TAMM41: variants seen among roughly 807,000 people sequenced by gnomAD.
The protein encoded by TAMM41 is TAM41 mitochondrial translocator assembly and maintenance homolog, also known as phosphatidate cytidylyltransferase, mitochondrial.
In TAMM41, 36 loss-of-function variants were observed where a neutral mutation model predicts 44.1. The ratio of observed to expected loss-of-function variants is 0.82; its 90% confidence interval spans 0.63 to 1.08. The LOEUF is 1.08. TAMM41 is among the 50% of genes least tolerant of loss of function. TAMM41 has a pLI of 0.00. For synonymous variants in TAMM41, 164 were observed against 153.1 expected (o/e 1.07, Z -0.53); for missense variants, 417 against 404.3 (o/e 1.03, Z -0.27).
intron 7 of TAMM41, among the ~76,000 whole-genome samples, chr3:11,801,218 A>G (rs2077744358): frequency 6.6e-6 from 1 of 152,224 alleles, no homozygotes; most frequent in Admixed American, 6.5e-5. Context: ...CTCAGACAAT[A>G]GTAGAATAAA....
the TAMM41 span, among the ~76,000 whole-genome samples, chr3:11,775,021 C>T: frequency 1.3e-5 from 2 of 152,102 alleles, no homozygotes; most frequent in African/African-American, 4.8e-5. Context: ...AGGCGGCTGC[C>T]ACCGTGCCCG....
At chr3:11,815,463 C>A (rs2078242927) in intron 5 of TAMM41, among the ~76,000 whole-genome samples, 1 of 152,018 alleles carries the variant, frequency 6.6e-6, no homozygotes, top group Non-Finnish European at 1.5e-5. Flanking sequence ...GATGACTGAC[C>A]TAAGCAACTG....
the TAMM41 span, among the ~76,000 whole-genome samples, chr3:11,723,907 G>A: frequency 6.6e-6 from 1 of 151,946 alleles, no homozygotes; most frequent in Non-Finnish European, 1.5e-5. Flanking sequence ...ACTGAGTGGA[G>A]GTAGCAAAGA....
the TAMM41 span, among the ~76,000 whole-genome samples, chr3:11,729,538 C>CTTTTTTTTTTT: frequency 8.4e-4 from 55 of 65,524 alleles, 14 homozygotes; most frequent in African/African-American, 2.7e-3. Flanking sequence ...TTCTTTCTTT[C>CTTTTTTTTTTT]ATTTTTTTTT....
At chr3:11,722,462 A>G in the TAMM41 span, among the ~76,000 whole-genome samples, 1 of 152,226 alleles carries the variant, frequency 6.6e-6, no homozygotes, top group African/African-American at 2.4e-5. Flanking sequence ...AATTAAAATG[A>G]CTTACAGTGA....
chr3:11,726,078 C>T, the TAMM41 span, among the ~76,000 whole-genome samples: 7 of 152,222 alleles, frequency 4.6e-5, no homozygotes, highest in African/African-American at 9.7e-5. Flanking sequence ...GGAATATCAA[C>T]GGCTGCCAAT....
chr3:11,761,084 C>T, the TAMM41 span, among the ~76,000 whole-genome samples: 7 of 150,970 alleles, frequency 4.6e-5, no homozygotes, highest in Middle Eastern at 3.4e-3. Flanking sequence ...AGGAGAATGG[C>T]GTGAACCTGG....
the TAMM41 span, among the ~76,000 whole-genome samples, chr3:11,767,626 ATTTT>A: frequency 3.3e-5 from 2 of 60,708 alleles, no homozygotes; most frequent in Admixed American, 1.9e-4. Context: ...CACGTTGTGC[ATTTT>A]TTTTTTTTTT....
chr3:11,747,496 C>T, the TAMM41 span, among the ~76,000 whole-genome samples: 10,918 of 152,164 alleles, frequency 0.072, 543 homozygotes, highest in African/African-American at 0.14. Flanking sequence ...AGATGGGGCA[C>T]GGTGACTCAC....
At chr3:11,779,000 C>T in the TAMM41 span, among the ~76,000 whole-genome samples, 1 of 152,180 alleles carries the variant, frequency 6.6e-6, no homozygotes, top group Non-Finnish European at 1.5e-5. Context: ...TGATGCCCAA[C>T]GTTGGAAATG....
chr3:11,825,903 C>T (rs917033586), intron 4 of TAMM41, among the ~76,000 whole-genome samples: 2 of 152,070 alleles, frequency 1.3e-5, no homozygotes, highest in Non-Finnish European at 2.9e-5. Context: ...GTGTGAGCCA[C>T]AGCACCCTGC....
At chr3:11,735,886 T>G in the TAMM41 span, among the ~76,000 whole-genome samples, 1 of 152,066 alleles carries the variant, frequency 6.6e-6, no homozygotes, top group Admixed American at 6.6e-5. Context: ...ACCCAGCATG[T>G]TTCCAAACCA....
At chr3:11,805,825 C>G (rs6790543) in intron 7 of TAMM41, among the ~76,000 whole-genome samples, 64,342 of 152,136 alleles carry the variant, frequency 0.42, 13,850 homozygotes, top group Admixed American at 0.5. Context: ...TACGCCTCTG[C>G]AAGTCAGTAT....
the TAMM41 span, among the ~76,000 whole-genome samples, chr3:11,780,260 GTA>G: frequency 6.6e-6 from 1 of 152,206 alleles, no homozygotes; most frequent in Non-Finnish European, 1.5e-5. Context: ...CTCCTGCACA[GTA>G]TATGTCTGGC....
chr3:11,798,547 G>C (rs1230047792), intron 7 of TAMM41, among the ~76,000 whole-genome samples: 1 of 151,988 alleles, frequency 6.6e-6, no homozygotes, highest in Non-Finnish European at 1.5e-5. Flanking sequence ...TAACTAATGG[G>C]TTCTAACTAG....
At position 11,829,831 on chromosome 3, in the gene TAMM41, G is replaced by C. The variant is rs760785403; in HGVS notation, c.445C>G (p.Leu149Val). 2.5e-6 allele frequency: 4 copies of C among 1,614,202 alleles called. No homozygotes were observed. The Admixed American group carries it at 6.7e-5, about 27-fold the overall frequency. Residue 149 changes from leucine (L) to valine (V), a missense_variant, in exon 4 of 8, where the codon CTT (leucine) becomes GTT (valine). Physicochemically the swap from Leu to Val is conservative, Grantham distance 32 (BLOSUM62 1). Coordinates refer to ENST00000455809, the MANE Select transcript of TAMM41 (RefSeq NM_001284401.2). ...AGATTTCTATCGAGGGCTGATCTAAGAGTGACATCCTCGTTCACTGAGATA... is the reference window on the plus strand; with the variant it reads ...AGATTTCTATCGAGGGCTGATCTAACAGTGACATCCTCGTTCACTGAGATA... ...KIISVNEDVT[L>V]RSALDRNLKS...
the TAMM41 span, among the ~76,000 whole-genome samples, chr3:11,729,538 CATTTTTTTTTTTTTTTTT>C: frequency 4.6e-5 from 3 of 65,516 alleles, 1 homozygote; most frequent in African/African-American, 1.6e-4. Flanking sequence ...TTCTTTCTTT[CATTTTTTTTTTTTTTTTT>C]TTTTTTTTTT....
intron 4 of TAMM41, among the ~76,000 whole-genome samples, chr3:11,823,309 G>A (rs1294327393): frequency 3.4e-5 from 5 of 146,456 alleles, no homozygotes; most frequent in Non-Finnish European, 7.4e-5. Flanking sequence ...AGGCTGGAGT[G>A]CAGTGGCATG....
intron 2 of TAMM41, among the ~76,000 whole-genome samples, chr3:11,840,669 T>C (rs2079396084): frequency 6.6e-6 from 1 of 151,998 alleles, no homozygotes; most frequent in South Asian, 2.1e-4. Flanking sequence ...AAAGGTGGAA[T>C]GGCTCTTAGA....
Sources: gnomAD v4.1 joint callset for allele counts (sites outside exome capture counted in the v4.1 genomes callset) on GRCh38, gnomAD v4.1.1 for gene constraint, MANE v1.5 for transcripts, NCBI Gene and HGNC (gene_info 2026-07-23, HGNC 2026-07-21) for gene names.